Variants in ZFAND6 observed in about 807,000 individuals in gnomAD.
ZFAND6 encodes AN1-type zinc finger protein 6.
In ZFAND6, 12 loss-of-function variants were observed where a neutral mutation model predicts 24.5. That is an observed-to-expected ratio of 0.49 (90% CI 0.31 to 0.79). The LOEUF is 0.79. Among genes scored for constraint, ZFAND6 ranks in the 30% least tolerant of loss-of-function variants. ZFAND6 has a pLI of 0.04. For synonymous variants in ZFAND6, 92 were observed against 81.5 expected (o/e 1.13, Z -0.69); for missense variants, 207 against 245.9 (o/e 0.84, Z 1.06).
intron 1 of ZFAND6, among the ~76,000 whole-genome samples, chr15:80,095,686 A>G (rs2038677883): frequency 1.3e-5 from 2 of 152,238 alleles, no homozygotes; most frequent in African/African-American, 4.8e-5. Flanking sequence ...TTAGCATTAT[A>G]AAGTGCTTTG....
chr15:80,136,427 T>C (rs1408946255), intron 6 of ZFAND6, among the ~76,000 whole-genome samples: 2 of 151,712 alleles, frequency 1.3e-5, no homozygotes, highest in East Asian at 1.9e-4. Flanking sequence ...ATCATGCCAC[T>C]GCACTGCAGC....
At chr15:80,082,137 G>T (rs1291578694) in intron 1 of ZFAND6, among the ~76,000 whole-genome samples, 2 of 152,186 alleles carry the variant, frequency 1.3e-5, no homozygotes, top group East Asian at 3.8e-4. Context: ...TGGGGAAGAG[G>T]TATGGAGTAT....
intron 2 of ZFAND6, among the ~76,000 whole-genome samples, chr15:80,100,998 T>C (rs1173461057): frequency 1.3e-5 from 2 of 152,238 alleles, no homozygotes; most frequent in East Asian, 1.9e-4. Context: ...TTGCAAATTA[T>C]TATCATTATT....
intron 2 of ZFAND6, among the ~76,000 whole-genome samples, chr15:80,109,089 G>C (rs2039480700): frequency 6.6e-6 from 1 of 152,180 alleles, no homozygotes; most frequent in Admixed American, 6.5e-5. Context: ...GACAGATCTA[G>C]ATCTCTTCTT....
chr15:80,112,014 C>G (rs758398766), intron 2 of ZFAND6, among the ~76,000 whole-genome samples: 1 of 152,174 alleles, frequency 6.6e-6, no homozygotes, highest in East Asian at 1.9e-4. Flanking sequence ...AATCTCAGCA[C>G]TTAGGGAGGC....
intron 5 of ZFAND6, among the ~76,000 whole-genome samples, chr15:80,124,753 C>T (rs1250889406): frequency 6.6e-6 from 1 of 152,052 alleles, no homozygotes; most frequent in Admixed American, 6.6e-5. Flanking sequence ...CCAGTATTAA[C>T]TTGTAAGTAC....
rs1334332201 is a variant in ZFAND6, at chr15:80,089,701, T to C, written c.-180-8715T>C. On this transcript the variant is annotated intron_variant, in intron 1 of 6. Transcript: ENST00000261749. ...GCCTGTGGAAATGGAATAGCTTTCC[T>C]TGTAATACTGCCTGAGCTCTGCTTT... Among the ~76,000 whole-genome samples the C allele has an allele frequency of 2.0e-5, 3 of 152,224 alleles. No homozygotes were observed. In the East Asian group the frequency reaches 5.8e-4, roughly 29 times the overall value.
intron 2 of ZFAND6, chr15:80,111,584 CTATA>C: frequency 2.2e-6 from 1 of 455,002 alleles, no homozygotes; most frequent in South Asian, 1.6e-5. Context: ...ACCAGTATAA[CTATA>C]TAGCAATATA....
At chr15:80,105,351 A>C (rs1277337895) in intron 2 of ZFAND6, among the ~76,000 whole-genome samples, 1 of 152,194 alleles carries the variant, frequency 6.6e-6, no homozygotes, top group Non-Finnish European at 1.5e-5. Context: ...ACAGGTGATT[A>C]CTGTCTCTGT....
intron 1 of ZFAND6, among the ~76,000 whole-genome samples, chr15:80,081,132 TG>T (rs2037641387): frequency 6.6e-6 from 1 of 152,234 alleles, no homozygotes; most frequent in African/African-American, 2.4e-5. Flanking sequence ...ATTTACTTTT[TG>T]TAGAAAAAAT....
At chr15:80,090,574 T>TA (rs1181818799) in intron 1 of ZFAND6, among the ~76,000 whole-genome samples, 65 of 152,236 alleles carry the variant, frequency 4.3e-4, no homozygotes, top group African/African-American at 1.5e-3. Context: ...AGCTCTTAGT[T>TA]AATCCTGCTC....
At chr15:80,123,142 AG>A (rs1018506039) in intron 5 of ZFAND6, 1 of 164,034 alleles carries the variant, frequency 6.1e-6, no homozygotes, top group African/African-American at 2.4e-5. Context: ...TGCTGGTTTG[AG>A]GGGCATCTCT....
At chr15:80,097,187 A>T (rs1373756825) in intron 1 of ZFAND6, among the ~76,000 whole-genome samples, 2 of 151,694 alleles carry the variant, frequency 1.3e-5, no homozygotes, top group Admixed American at 1.3e-4. Context: ...ATTTGTAGAG[A>T]CGGGGTTTCA....
intron 2 of ZFAND6, among the ~76,000 whole-genome samples, chr15:80,106,297 G>C (rs929623217): frequency 6.6e-6 from 1 of 152,152 alleles, no homozygotes; most frequent in Non-Finnish European, 1.5e-5. Flanking sequence ...CATTAATCTA[G>C]AGCGGGAATT....
At chr15:80,105,441 A>G (rs1005281083) in intron 2 of ZFAND6, among the ~76,000 whole-genome samples, 1 of 152,186 alleles carries the variant, frequency 6.6e-6, no homozygotes, top group Non-Finnish European at 1.5e-5. Context: ...TGCAGCTACT[A>G]TTAAATAGTG....
chr15:80,131,291 C>G lies in ZFAND6; in HGVS notation c.476C>G (p.Thr159Ser). 6.2e-7 allele frequency: 1 copy of G among 1,611,862 alleles called. No homozygotes were observed. The highest frequency in any genetic ancestry group is 8.5e-7 in the Non-Finnish European group (1 of 1,178,310). The change falls in exon 6 of 7, where the codon ACT (threonine) becomes AGT (serine). Residue 159 changes from threonine (T) to serine (S), a missense_variant and splice_region_variant. Thr to Ser is a moderately conservative substitution (Grantham distance 58). Around this residue, in one of 3 missense-constraint regions of ZFAND6, gnomAD observed 45 missense variants for 67.7 expected, o/e 0.66. Coordinates refer to ENST00000261749, the MANE Select transcript of ZFAND6 (RefSeq NM_019006.4). ...CFMCRKKVGL[T>S]GFECRCGNVY... ...ATGTGCAGGAAGAAAGTGGGACTTA[C>G]TGGTAAGGACCTAAATCAAATGTTT...
In ZFAND6 at chr15:80,137,617, C is replaced by A; in HGVS notation, c.616C>A (p.Gln206Lys). ...ENPVVVGEKIQKI is the reference protein window; with the variant it reads ...ENPVVVGEKIKKI ...TCCAGTAGTTGTTGGTGAAAAGATC[C>A]AAAAGATTTGAACTCCTGCTGGAAT... The change falls in exon 7 of 7, where the codon CAA (glutamine) becomes AAA (lysine). Residue 206 changes from glutamine (Q) to lysine (K), a missense_variant. Coordinates refer to ENST00000261749, the MANE Select transcript of ZFAND6 (RefSeq NM_019006.4). The A allele has an allele frequency of 1.3e-6, 2 of 1,584,182 alleles. No individual in the cohort carries two copies. Among genetic ancestry groups the A allele is most frequent in the Non-Finnish European group, 1.7e-6 (2 of 1,170,598 alleles).
At chr15:80,099,517 A>T (rs2038917009) in intron 2 of ZFAND6, among the ~76,000 whole-genome samples, 1 of 152,038 alleles carries the variant, frequency 6.6e-6, no homozygotes, top group African/African-American at 2.4e-5. Flanking sequence ...TTCATAACAC[A>T]AATGTGTTGA....
At chr15:80,092,986 G>T (rs945632665) in intron 1 of ZFAND6, among the ~76,000 whole-genome samples, 20 of 147,784 alleles carry the variant, frequency 1.4e-4, no homozygotes, top group Middle Eastern at 7.0e-3. Context: ...ACAGAGTGTC[G>T]CTCTCTCACC....
Sources: allele counts gnomAD v4.1 joint callset (sites outside exome capture counted in the v4.1 genomes callset), GRCh38; gene constraint gnomAD v4.1.1; regional missense constraint gnomAD v4.1.1; transcripts MANE v1.5; gene names NCBI Gene and HGNC (gene_info 2026-07-23, HGNC 2026-07-21).